Variants in CRYBB2 observed in about 807,000 individuals in gnomAD.
The protein encoded by CRYBB2 is crystallin beta B2.
CRYBB2 carries 12 observed loss-of-function variants against 24.3 expected under a neutral mutation model. That is an observed-to-expected ratio of 0.49 (90% CI 0.32 to 0.80). The LOEUF (loss-of-function observed/expected upper bound fraction) is 0.80, where lower values mean the gene tolerates loss of function less well. Among genes scored for constraint, CRYBB2 ranks in the 30% least tolerant of loss-of-function variants. CRYBB2 has a pLI of 0.04. For missense variants in CRYBB2, 198 were observed against 268.5 expected, an observed-to-expected ratio of 0.74 and a Z score of 1.83; for synonymous variants, 98 against 101.6, an observed-to-expected ratio of 0.96 and a Z score of 0.21.
In CRYBB2 at chr22:25,214,259, G is replaced by A. The variant is rs542303878; in HGVS notation, c.-27+1419G>A. Among the ~76,000 whole-genome samples, 3 of 152,282 alleles carry A rather than the reference G, an allele frequency of 2.0e-5. No homozygotes were observed. In the East Asian group the frequency reaches 5.8e-4, roughly 29 times the overall value. ...AGGCTGAGACAGGAGGATCACTTGA[G>A]CCCAGCAGTTGGAGCCTGCATTGAG... On this transcript the variant is annotated intron_variant, in intron 1 of 5. Coordinates refer to the CRYBB2 transcript ENST00000651629.
At position 25,228,000 on chromosome 22, in the gene CRYBB2, A is replaced by G; in HGVS notation, c.306+15A>G. 1.2e-6 allele frequency: 2 copies of G among 1,614,016 alleles called. No homozygotes were observed. Among genetic ancestry groups the G allele is most frequent in the Non-Finnish European group, 1.7e-6 (2 of 1,179,968 alleles). On this transcript the variant is annotated intron_variant, in intron 4 of 5. Transcript: ENST00000398215. ...CCATCAAAGTGGTGAGCCCCCTGCC[A>G]TCACCCTACTCCCTCTCTCTGCCCA...
chr22:25,223,993 A>G (rs5760920), intron 2 of CRYBB2, among the ~76,000 whole-genome samples: 123,779 of 151,518 alleles, frequency 0.82, 50,971 homozygotes, highest in East Asian at 0.96. Context: ...GCGTGGTGGC[A>G]GGCGCCTGTA....
intron 3 of CRYBB2, 73 bp from the exon 4 acceptor site, chr22:25,227,780 A>G: frequency 6.2e-7 from 1 of 1,611,168 alleles, no homozygotes; most frequent in Non-Finnish European, 8.5e-7. Context: ...GGTCAACATC[A>G]GTAGCCAGGA....
At chr22:25,222,470 G>A (rs550119087) in intron 2 of CRYBB2, among the ~76,000 whole-genome samples, 24 of 152,288 alleles carry the variant, frequency 1.6e-4, no homozygotes, top group African/African-American at 5.3e-4. Flanking sequence ...GTGAGGAAGC[G>A]GCTATATGAA....
chr22:25,229,128 CAT>C (rs1339489151), intron 4 of CRYBB2, among the ~76,000 whole-genome samples: 1 of 152,036 alleles, frequency 6.6e-6, no homozygotes, highest in African/African-American at 2.4e-5. Context: ...TGGGTGTTCA[CAT>C]GTGGGTGGGT....
At chr22:25,224,648 G>A (rs959979174) in intron 2 of CRYBB2, among the ~76,000 whole-genome samples, 1 of 152,198 alleles carries the variant, frequency 6.6e-6, no homozygotes, top group African/African-American at 2.4e-5. Context: ...AGATTACAGG[G>A]GTGAGCCCAC....
At chr22:25,218,130 G>A (rs1935204977), upstream of CRYBB2, among the ~76,000 whole-genome samples, 2 of 150,918 alleles carry the variant, frequency 1.3e-5, no homozygotes, top group South Asian at 4.4e-4. Flanking sequence ...GTGTTGGCGG[G>A]CGCCTGTAGT....
chr22:25,216,592 A>G (rs1489303106), upstream of CRYBB2, among the ~76,000 whole-genome samples: 1 of 152,164 alleles, frequency 6.6e-6, no homozygotes, highest in Non-Finnish European at 1.5e-5. Context: ...GAATTACACA[A>G]CAATAAACTT....
At chr22:25,218,674 GAA>G (rs1935223755), upstream of CRYBB2, among the ~76,000 whole-genome samples, 1 of 94,282 alleles carries the variant, frequency 1.1e-5, no homozygotes, top group African/African-American at 5.5e-5. Flanking sequence ...TCAAAAGAAA[GAA>G]AGAGAAAGAA....
At chr22:25,230,483 CTG>C in intron 5 of CRYBB2, among the ~76,000 whole-genome samples, 1 of 152,266 alleles carries the variant, frequency 6.6e-6, no homozygotes, top group South Asian at 2.1e-4. Context: ...TTTTCAGAAT[CTG>C]TGTGAACTGG....
chr22:25,224,352 T>C (rs978431857), intron 2 of CRYBB2, among the ~76,000 whole-genome samples: 12 of 152,224 alleles, frequency 7.9e-5, no homozygotes, highest in Admixed American at 5.2e-4. Context: ...AAGCCTGGGC[T>C]CCAGTTTCAG....
At chr22:25,217,982 G>T (rs549549607), upstream of CRYBB2, among the ~76,000 whole-genome samples, 2 of 152,110 alleles carry the variant, frequency 1.3e-5, no homozygotes, top group Admixed American at 1.3e-4. Context: ...AGTAAAGGCC[G>T]GGCGCGGTGG....
At chr22:25,217,891 AC>A (rs2146082882), upstream of CRYBB2, among the ~76,000 whole-genome samples, 1 of 152,274 alleles carries the variant, frequency 6.6e-6, no homozygotes, top group East Asian at 1.9e-4. Flanking sequence ...AAGCAGGTAT[AC>A]TTGACCCAGT....
intron 1 of CRYBB2, chr22:25,213,236 A>G (rs934503768): frequency 6.6e-6 from 1 of 152,190 alleles, no homozygotes; most frequent in Non-Finnish European, 1.5e-5. Context: ...ACACCTTTTG[A>G]TGATCTCAGA....
intron 1 of CRYBB2, among the ~76,000 whole-genome samples, chr22:25,220,448 C>T (rs1301751355): frequency 1.3e-5 from 2 of 152,192 alleles, no homozygotes; most frequent in African/African-American, 4.8e-5. Context: ...TGTGAACACT[C>T]AGGACTGGGA....
chr22:25,224,689 C>G (rs944652018), intron 2 of CRYBB2, among the ~76,000 whole-genome samples: 11 of 152,128 alleles, frequency 7.2e-5, no homozygotes, highest in African/African-American at 2.7e-4. Flanking sequence ...TCTTTATTTC[C>G]CATTTTACAG....
upstream of CRYBB2, chr22:25,219,515 G>C (rs1054954493): frequency 3.9e-5 from 6 of 152,250 alleles, no homozygotes; most frequent in African/African-American, 1.4e-4. Context: ...TTGCTGACCC[G>C]AGCTTTGGTG....
At position 25,223,843 on chromosome 22, in the gene CRYBB2, G is replaced by T. The variant is rs184805116; in HGVS notation, c.55-1075G>T. Reference sequence around the variant, plus strand: ...GCCTCCAAAATTCTCACTGGAGGCCGGGCGCGGTGGCTCACGCCTGTAATC... The same window carrying T: ...GCCTCCAAAATTCTCACTGGAGGCCTGGCGCGGTGGCTCACGCCTGTAATC... On this transcript the variant is annotated intron_variant, in intron 2 of 5. Transcript: ENST00000398215. 3.3e-3 allele frequency among the ~76,000 whole-genome samples: 509 copies of T among 152,238 alleles called. 3 individuals are homozygous for T. Among genetic ancestry groups the T allele is most frequent in the Non-Finnish European group, 5.4e-3 (368 of 68,024 alleles).
chr22:25,211,738 A>G (rs1265220197), upstream of CRYBB2, among the ~76,000 whole-genome samples: 1 of 152,236 alleles, frequency 6.6e-6, no homozygotes, highest in Non-Finnish European at 1.5e-5. Flanking sequence ...TCTATGGGGC[A>G]GAACCTGAGA....
Sources: allele counts gnomAD v4.1 joint callset (sites outside exome capture counted in the v4.1 genomes callset), GRCh38; gene constraint gnomAD v4.1.1; transcripts MANE v1.5; gene names NCBI Gene and HGNC (gene_info 2026-07-23, HGNC 2026-07-21).